FLOT2: variants seen among roughly 807,000 people sequenced by gnomAD.
FLOT2 encodes flotillin-2.
In FLOT2, 35 loss-of-function variants were observed where a neutral mutation model predicts 54.9. The observed-to-expected ratio is 0.64, with a 90% CI of 0.49 to 0.84. The LOEUF is 0.84. FLOT2 is among the 40% of genes least tolerant of loss of function. The pLI, the probability that FLOT2 is intolerant of heterozygous loss-of-function variation, is 0.00. For synonymous variants in FLOT2, 207 were observed against 228.9 expected, an observed-to-expected ratio of 0.90 and a Z score of 0.86; for missense variants, 464 against 572.1, an observed-to-expected ratio of 0.81 and a Z score of 1.93.
At chr17:28,894,886 C>T (rs892429550) in intron 1 of FLOT2, among the ~76,000 whole-genome samples, 15 of 146,316 alleles carry the variant, frequency 1.0e-4, no homozygotes, top group East Asian at 8.0e-4. Flanking sequence ...GCCTAAGGAC[C>T]CCTCCTCAAG....
chr17:28,885,660 C>A, intron 2 of FLOT2: 1 of 717,606 alleles, frequency 1.4e-6, no homozygotes, highest in Non-Finnish European at 2.6e-6. Flanking sequence ...TCCCCACTTG[C>A]AGTCCAATAG....
rs1468983072 is a variant in FLOT2, at chr17:28,881,998, G to A, written c.730C>T (p.Gln244Ter). 6.2e-7 allele frequency: 1 copy of A among 1,614,030 alleles called. No homozygotes were observed. The highest frequency in any genetic ancestry group is 8.5e-7 in the Non-Finnish European group (1 of 1,180,050). Residue 244 changes from glutamine to a stop codon, truncating the protein, a stop_gained, in exon 8 of 11, where the codon CAG becomes TAG. Coordinates refer to ENST00000394908, the MANE Select transcript of FLOT2 (RefSeq NM_004475.3). LOFTEE classifies it high-confidence loss of function. ...ATCTTCTGCTGTTCACGGGCCCCCT[G>A]CAGCTCATAGGCCAACTGGGCCTCA... Reference protein sequence around the residue: ...TAEAQLAYELQGAREQQKIRQ... With the variant: ...TAEAQLAYEL
At position 28,884,276 on chromosome 17, in the gene FLOT2, C is replaced by G; in HGVS notation, c.171G>C (p.Glu57Asp). Residue 57 changes from glutamate (E) to aspartate (D), a missense_variant, in exon 3 of 11, where the codon GAG becomes GAC. By Grantham distance (45) the Glu-to-Asp change is conservative. Transcript: ENST00000394908. The surrounding 1 kb of genome is among the most constrained non-coding windows in gnomAD (Gnocchi z 5.1). ...CTACCCCCTCGGCCGTCTCTACGTC[C>G]TCGCAGCGGGGCTGCAACGTCATAA... is the stretch of plus-strand genomic sequence containing the variant. Reference protein sequence around the residue: ...LEIMTLQPRCEDVETAEGVAL... With the variant: ...LEIMTLQPRCDDVETAEGVAL... 1 of 1,613,154 alleles carries G rather than the reference C, an allele frequency of 6.2e-7. No individual in the cohort carries two copies. The highest frequency in any genetic ancestry group is 8.5e-7 in the Non-Finnish European group (1 of 1,179,582).
intron 1 of FLOT2, among the ~76,000 whole-genome samples, chr17:28,895,515 G>C (rs908835588): frequency 2.0e-5 from 3 of 151,818 alleles, no homozygotes; most frequent in Non-Finnish European, 2.9e-5. Context: ...CTCCCATCTC[G>C]GCCTCCCAAA....
rs767965478 is a variant in FLOT2, at chr17:28,884,650, T to C, written c.132-335A>G. ...TCCAGGTGTAGCTGTGTGTATGTTCTAGGATAGCAAGTCAGTGCTGGTCCT... is the reference window on the plus strand; with the variant it reads ...TCCAGGTGTAGCTGTGTGTATGTTCCAGGATAGCAAGTCAGTGCTGGTCCT... On this transcript the variant is annotated intron_variant, in intron 2 of 10. Transcript: ENST00000394908. This position sits in a 1 kb window ranked among gnomAD's most constrained non-coding sequence, Gnocchi z 5.1. 2.0e-5 allele frequency among the ~76,000 whole-genome samples: 3 copies of C among 152,192 alleles called. No homozygotes were observed. Among genetic ancestry groups the C allele is most frequent in the Admixed American group, 6.5e-5 (1 of 15,284 alleles).
chr17:28,886,000 G>T, intron 2 of FLOT2: 1 of 1,025,828 alleles, frequency 9.7e-7, no homozygotes. Flanking sequence ...GGAAGGAGGG[G>T]ACACAGCAAA....
intron 2 of FLOT2, chr17:28,885,593 G>A (rs529549273): frequency 1.4e-6 from 1 of 717,474 alleles, no homozygotes; most frequent in South Asian, 1.5e-5. Context: ...ACGAAGGCCT[G>A]GCATCCAGGG....
intron 8 of FLOT2, 168 bp downstream of exon 8, chr17:28,881,646 A>G (rs2039449614): frequency 2.9e-6 from 2 of 680,938 alleles, no homozygotes; most frequent in Admixed American, 2.8e-5. Context: ...AGTCTTCCCA[A>G]CAGCAGTCCC....
At chr17:28,896,922 G>A (rs2039750885) in intron 1 of FLOT2, among the ~76,000 whole-genome samples, 1 of 152,172 alleles carries the variant, frequency 6.6e-6, no homozygotes, top group Admixed American at 6.5e-5. Context: ...AGAAATTCTG[G>A]AACTTGCAGC....
chr17:28,880,516 A>T lies in FLOT2; in HGVS notation c.*45T>A. 1 of 1,603,950 alleles carries T rather than the reference A, an allele frequency of 6.2e-7. No individual in the cohort carries two copies. Among genetic ancestry groups the T allele is most frequent in the Non-Finnish European group, 8.5e-7 (1 of 1,175,162 alleles). ...TCTGTGGGATTAAAACGGGTGCTGG[A>T]GGGAGGGCCGGGTGGCTGCTGAAGA... On this transcript the variant is annotated 3_prime_UTR_variant, in exon 11 of 11. Coordinates refer to ENST00000394908, the MANE Select transcript of FLOT2 (RefSeq NM_004475.3).
intron 1 of FLOT2, among the ~76,000 whole-genome samples, chr17:28,890,535 C>T (rs1276596497): frequency 2.6e-5 from 4 of 152,034 alleles, no homozygotes; most frequent in African/African-American, 7.2e-5. Context: ...TACAGGTGCC[C>T]GCCACCACGC....
chr17:28,880,382 A>G lies in FLOT2; in HGVS notation c.*179T>C, dbSNP rs2039425563. On this transcript the variant is annotated 3_prime_UTR_variant, in exon 11 of 11. Coordinates refer to ENST00000394908, the MANE Select transcript of FLOT2 (RefSeq NM_004475.3). ...AAGTGGGGTAAAGGAGAGGAAGAGG[A>G]GGAGGTGGACAGACAGGAGAGACAG... The G allele has an allele frequency of 2.1e-6, 3 of 1,457,142 alleles. No homozygotes were observed. The highest frequency in any genetic ancestry group is 2.8e-5 in the Admixed American group (1 of 36,166). The allele number at this position is 1,457,142 out of a possible 1,614,324, so 90.3% of individuals were successfully genotyped here.
At position 28,882,790 on chromosome 17, in the gene FLOT2, GCA is replaced by G; in HGVS notation, c.347-101_347-100del. 1.3e-6 allele frequency: 1 copy of G among 793,874 alleles called. No individual in the cohort carries two copies. The highest frequency in any genetic ancestry group is 2.1e-6 in the Non-Finnish European group (1 of 470,030). 49.2% of individuals were successfully genotyped at this position (793,874 alleles called of 1,614,324 possible). ...GAGGTAGGGGTGCATGCGGGGTGCT[GCA>G]CTCTGAGCTGGGTCTTCCTGGGGTA... is the stretch of plus-strand genomic sequence containing the variant. On this transcript the variant is annotated intron_variant, in intron 4 of 10. Transcript: ENST00000394908. This position sits in a 1 kb window ranked among gnomAD's most constrained non-coding sequence, Gnocchi z 5.6.
intron 1 of FLOT2, among the ~76,000 whole-genome samples, chr17:28,893,812 T>TCCTCCC (rs2039693395): frequency 6.6e-6 from 1 of 152,208 alleles, no homozygotes; most frequent in South Asian, 2.1e-4. Flanking sequence ...ATTGTGAAAC[T>TCCTCCC]CCCTGTCCTA....
intron 8 of FLOT2, 65 bp downstream of exon 8, chr17:28,881,749 A>T: frequency 7.1e-7 from 1 of 1,416,738 alleles, no homozygotes. Flanking sequence ...AGGAGAGTAG[A>T]GGGAGTGCAC....
In FLOT2 at chr17:28,897,233, C is replaced by T. The variant is rs916397181; in HGVS notation, c.49+293G>A. 6.6e-6 allele frequency among the ~76,000 whole-genome samples: 1 copy of T among 152,244 alleles called. No homozygotes were observed. On this transcript the variant is annotated intron_variant, in intron 1 of 10. Transcript: ENST00000394908. The surrounding 1 kb of genome is among the most constrained non-coding windows in gnomAD (Gnocchi z 4.4). Reference sequence around the variant, plus strand: ...GAACCCCGCGGCTTCAGTTCGGGACCCCCAACCTCACAGTAGAGCGGCGGG... The same window carrying T: ...GAACCCCGCGGCTTCAGTTCGGGACTCCCAACCTCACAGTAGAGCGGCGGG...
intron 9 of FLOT2, 135 bp from the exon 10 acceptor site, chr17:28,880,997 T>C: frequency 8.2e-7 from 1 of 1,222,422 alleles, no homozygotes; most frequent in Non-Finnish European, 1.2e-6. Context: ...CGAGCCATGG[T>C]AAGAGACGCC....
At position 28,882,400 on chromosome 17, in the gene FLOT2, A is replaced by G. The variant is rs750874148; in HGVS notation, c.516T>C (p.Thr172=). The G allele has an allele frequency of 8.7e-6, 14 of 1,614,140 alleles. No individual in the cohort carries two copies. Among genetic ancestry groups the G allele is most frequent in the Non-Finnish European group, 1.2e-5 (14 of 1,180,022 alleles). ...DYLSSLGKTQ[T]AVVQRDADIG... ...TGTCAGCATCTCTCTGCACCACGGCAGTCTGCGTCTTGCCCAGGGAGCTCA... is the reference window on the plus strand; with the variant it reads ...TGTCAGCATCTCTCTGCACCACGGCGGTCTGCGTCTTGCCCAGGGAGCTCA... The change falls in exon 6 of 11, where the codon ACT becomes ACC. Residue 172 remains threonine, a synonymous_variant. Transcript: ENST00000394908. The surrounding 1 kb of genome is among the most constrained non-coding windows in gnomAD (Gnocchi z 5.6).
rs529944431 is a variant in FLOT2, at chr17:28,881,011, T to C, written c.1099-149A>G. 78 of 1,175,930 alleles carry C rather than the reference T, an allele frequency of 6.6e-5. No individual in the cohort carries two copies. In the East Asian group the frequency reaches 1.7e-3, roughly 26 times the overall value. The allele number at this position is 1,175,930 out of a possible 1,614,324, so 72.8% of individuals were successfully genotyped here. On this transcript the variant is annotated intron_variant, in intron 9 of 10. Coordinates refer to ENST00000394908, the MANE Select transcript of FLOT2 (RefSeq NM_004475.3). Reference sequence around the variant, plus strand: ...TCGAGCCATGGTAAGAGACGCCCTGTGGGCCAGGGATGGCTTAGGCCTTTG... The same window carrying C: ...TCGAGCCATGGTAAGAGACGCCCTGCGGGCCAGGGATGGCTTAGGCCTTTG...
Sources: gnomAD v4.1 joint callset for allele counts (sites outside exome capture counted in the v4.1 genomes callset) on GRCh38, gnomAD v4.1.1 for gene constraint, Gnocchi (gnomAD v3.1) non-coding constraint, MANE v1.5 for transcripts, NCBI Gene and HGNC (gene_info 2026-07-23, HGNC 2026-07-21) for gene names.